GSTA4: variants seen among roughly 807,000 people sequenced by gnomAD.
GSTA4 encodes the protein glutathione S-transferase alpha 4.
Under a neutral mutation model 24.4 loss-of-function variants are expected in GSTA4, and 15 were observed. That is an observed-to-expected ratio of 0.61 (90% CI 0.41 to 0.95). The LOEUF (loss-of-function observed/expected upper bound fraction) is 0.95, where lower values mean the gene tolerates loss of function less well. Ranked by LOEUF, GSTA4 falls within the 40% of genes least tolerant of loss-of-function variation. The probability of loss-of-function intolerance (pLI) is 0.00; values close to 1 mark genes in which losing one functional copy is unlikely to be tolerated. For synonymous variants in GSTA4, 92 were observed against 94.2 expected, an observed-to-expected ratio of 0.98 and a Z score of 0.13; for missense variants, 244 against 262.1, an observed-to-expected ratio of 0.93 and a Z score of 0.48.
At chr6:52,991,661 G>A (rs1763662932) in intron 2 of GSTA4, among the ~76,000 whole-genome samples, 1 of 151,460 alleles carries the variant, frequency 6.6e-6, no homozygotes, top group Non-Finnish European at 1.5e-5. Flanking sequence ...ACCAAATCCA[G>A]AATAGGGAAA....
intron 2 of GSTA4, among the ~76,000 whole-genome samples, chr6:52,988,885 A>G (rs1025853421): frequency 2.0e-5 from 3 of 152,184 alleles, no homozygotes; most frequent in African/African-American, 7.2e-5. Flanking sequence ...GAGGCGTGTG[A>G]ACCAGAGCAA....
At chr6:52,993,766 G>C (rs1041320749) in intron 2 of GSTA4, among the ~76,000 whole-genome samples, 1 of 152,100 alleles carries the variant, frequency 6.6e-6, no homozygotes, top group Admixed American at 6.5e-5. Context: ...AACAAAAACA[G>C]ACACACACAC....
intron 5 of GSTA4, among the ~76,000 whole-genome samples, 199 bp from the exon 6 acceptor site, chr6:52,982,904 C>CGA (rs1017723991): frequency 1.9e-5 from 2 of 107,810 alleles, no homozygotes; most frequent in South Asian, 3.1e-4. Context: ...AGAGAGAGAG[C>CGA]GAGAGAGAGA....
In GSTA4 at chr6:52,989,562, C is replaced by G. The variant is rs1408518989; in HGVS notation, c.88-2154G>C. On this transcript the variant is annotated intron_variant, in intron 2 of 6. Transcript: ENST00000370963. Reference sequence around the variant, plus strand: ...AAACATTCAACTTGGAGGGGTGGGGCAGAATCAGGATCATAGGCTTGGCTT... The same window carrying G: ...AAACATTCAACTTGGAGGGGTGGGGGAGAATCAGGATCATAGGCTTGGCTT... Among the ~76,000 whole-genome samples the G allele has an allele frequency of 3.3e-5, 5 of 152,172 alleles. No individual in the cohort carries two copies. The East Asian group carries it at 9.6e-4, about 29-fold the overall frequency.
intron 6 of GSTA4, among the ~76,000 whole-genome samples, chr6:52,981,117 G>GA (rs538118820): frequency 1.7e-4 from 25 of 150,162 alleles, no homozygotes; most frequent in Admixed American, 4.6e-4. Flanking sequence ...AAAAAAAATT[G>GA]AAAAAAAAAT....
At chr6:52,984,950 G>T (rs1227203970) in intron 4 of GSTA4, among the ~76,000 whole-genome samples, 1 of 152,154 alleles carries the variant, frequency 6.6e-6, no homozygotes, top group African/African-American at 2.4e-5. Flanking sequence ...AGTGCTTAGA[G>T]TGTACCAGGC....
intron 4 of GSTA4, 93 bp from the exon 5 acceptor site, chr6:52,984,698 T>TA: frequency 9.3e-7 from 1 of 1,074,294 alleles, no homozygotes; most frequent in Non-Finnish European, 1.4e-6. Context: ...TTTTTTTTTT[T>TA]TAAAGATGCT....
rs771049162 is a variant in GSTA4, at chr6:52,984,495, G to A, written c.383C>T (p.Ala128Val). 3.1e-6 allele frequency: 5 copies of A among 1,613,368 alleles called. No homozygotes were observed. In the African/African-American group the frequency reaches 4.0e-5, roughly 13 times the overall value. Residue 128 changes from alanine to valine, a missense_variant, in exon 5 of 7, where the codon GCT becomes GTT. Ala to Val is a moderately conservative substitution (Grantham distance 64). Transcript: ENST00000370963. ...AAACACAGGAAAGTATCTAATTATAGCCTTCTGGGCCATGTTAACCACTTC... is the reference window on the plus strand; with the variant it reads ...AAACACAGGAAAGTATCTAATTATAACCTTCTGGGCCATGTTAACCACTTC... Reference protein sequence around the residue: ...QKEVVNMAQKAIIRYFPVFEK... With the variant: ...QKEVVNMAQKVIIRYFPVFEK...
chr6:52,992,033 G>A (rs1032222277), intron 2 of GSTA4, among the ~76,000 whole-genome samples: 1 of 151,792 alleles, frequency 6.6e-6, no homozygotes, highest in Non-Finnish European at 1.5e-5. Flanking sequence ...GGGATTACAG[G>A]TGTGAGCCAC....
chr6:52,994,078 G>A (rs1411180567), intron 2 of GSTA4, 79 bp downstream of exon 2: 9 of 938,176 alleles, frequency 9.6e-6, no homozygotes, highest in Non-Finnish European at 1.4e-5. Flanking sequence ...AGAACTGAAC[G>A]GTGCTTCAAA....
chr6:52,985,362 A>G, intron 4 of GSTA4, 89 bp downstream of exon 4: 1 of 1,253,366 alleles, frequency 8.0e-7, no homozygotes, highest in South Asian at 1.5e-5. Context: ...TGTAAGACAT[A>G]AAGTAAATGT....
intron 3 of GSTA4, among the ~76,000 whole-genome samples, chr6:52,986,629 A>C (rs1368746318): frequency 6.6e-6 from 1 of 152,176 alleles, no homozygotes; most frequent in Non-Finnish European, 1.5e-5. Flanking sequence ...TGAGGGTTTG[A>C]GCATTCGGAG....
At chr6:52,982,794 G>A in intron 5 of GSTA4, 89 bp from the exon 6 acceptor site, 1 of 982,668 alleles carries the variant, frequency 1.0e-6, no homozygotes, top group South Asian at 1.4e-5. Flanking sequence ...GAGAAGAGGT[G>A]AAACTATGAC....
At position 52,994,278 on chromosome 6, in the gene GSTA4, G is replaced by C. The variant is rs1326582496; in HGVS notation, c.-18-17C>G. On this transcript the variant is annotated splice_polypyrimidine_tract_variant and intron_variant, in intron 1 of 6. Transcript: ENST00000370963. The stretch of plus-strand genomic sequence containing the variant: ...TCAGGCTTTCTGAAATACAAATGCA[G>C]CAGCTCGTCGCAGACCAACAGTCCC... The C allele has an allele frequency of 3.7e-6, 5 of 1,344,766 alleles. No individual in the cohort carries two copies. The African/African-American group carries it at 7.2e-5, about 19-fold the overall frequency. The allele number at this position is 1,344,766 out of a possible 1,614,324, so 83.3% of individuals were successfully genotyped here.
At position 52,987,294 on chromosome 6, in the gene GSTA4, C is replaced by T. The variant is rs1763580176; in HGVS notation, c.139+63G>A. ...GTCATTGAATACTTTTGCCCTTCCACATAAACAGCAGCTCTTAAAGGAAAA... is the reference window on the plus strand; with the variant it reads ...GTCATTGAATACTTTTGCCCTTCCATATAAACAGCAGCTCTTAAAGGAAAA... On this transcript the variant is annotated intron_variant, in intron 3 of 6. Transcript: ENST00000370963. 2.9e-6 allele frequency: 3 copies of T among 1,031,988 alleles called. No homozygotes were observed. The East Asian group carries it at 7.1e-5, about 24-fold the overall frequency. The allele number at this position is 1,031,988 out of a possible 1,614,324, so 63.9% of individuals were successfully genotyped here.
chr6:52,988,569 A>G (rs1274048898), intron 2 of GSTA4, among the ~76,000 whole-genome samples: 1 of 152,226 alleles, frequency 6.6e-6, no homozygotes, highest in Non-Finnish European at 1.5e-5. Flanking sequence ...AGGTATATTC[A>G]GGATGTGGGA....
chr6:52,991,620 T>C (rs962111740), intron 2 of GSTA4, among the ~76,000 whole-genome samples: 2 of 152,206 alleles, frequency 1.3e-5, no homozygotes, highest in Non-Finnish European at 2.9e-5. Context: ...TTTACCATGT[T>C]ACCTCAAGGC....
chr6:52,994,055 G>A (rs747978022), intron 2 of GSTA4, 102 bp downstream of exon 2: 7 of 819,962 alleles, frequency 8.5e-6, no homozygotes, highest in Non-Finnish European at 1.3e-5. Context: ...TGTGATTTTG[G>A]TGGACGAGAA....
At chr6:52,987,646 G>C in intron 2 of GSTA4, 1 of 430,660 alleles carries the variant, frequency 2.3e-6, no homozygotes, top group Non-Finnish European at 4.1e-6. Context: ...GGGAAGTGTA[G>C]AGAGGAATGG....
Sources: allele counts gnomAD v4.1 joint callset (sites outside exome capture counted in the v4.1 genomes callset), GRCh38; gene constraint gnomAD v4.1.1; transcripts MANE v1.5; gene names NCBI Gene and HGNC (gene_info 2026-07-23, HGNC 2026-07-21).